DLG2: variants seen among roughly 807,000 people sequenced by gnomAD.
The protein encoded by DLG2 is disks large homolog 2.
In DLG2, 45 loss-of-function variants were observed where a neutral mutation model predicts 132.5. That is an observed-to-expected ratio of 0.34 (90% confidence interval 0.27 to 0.44). The LOEUF (loss-of-function observed/expected upper bound fraction) is 0.44, where lower values mean the gene tolerates loss of function less well. Ranked by LOEUF, DLG2 falls within the 20% of genes least tolerant of loss-of-function variation. The pLI is 1.00. For synonymous variants in DLG2, 424 were observed against 419.6 expected (o/e 1.01, Z -0.13); for missense variants, 1,045 against 1,196.9 (o/e 0.87, Z 1.87).
intron 6 of DLG2, among the ~76,000 whole-genome samples, chr11:84,674,237 T>G (rs1486777407): frequency 6.6e-6 from 1 of 152,144 alleles, no homozygotes; most frequent in Non-Finnish European, 1.5e-5. Context: ...AAAATATGTG[T>G]GACTCCAGGT....
chr11:84,394,401 G>T (rs1229183435), intron 7 of DLG2, among the ~76,000 whole-genome samples: 4 of 149,722 alleles, frequency 2.7e-5, no homozygotes, highest in African/African-American at 7.4e-5. Context: ...AAAAGTTATA[G>T]CATGACAGTT....
rs146107190 is a variant in DLG2, at chr11:84,346,373, T to A, written c.520-95082A>T. 3.3e-5 allele frequency among the ~76,000 whole-genome samples: 5 copies of A among 152,318 alleles called. No homozygotes were observed. In the East Asian group the frequency reaches 9.7e-4, roughly 29 times the overall value. ...TTAATTTTGCATCTTGAATCTTATATATGCCTGGTATACAGCAGGTATCAG... is the reference window on the plus strand; with the variant it reads ...TTAATTTTGCATCTTGAATCTTATAAATGCCTGGTATACAGCAGGTATCAG... On this transcript the variant is annotated intron_variant, in intron 7 of 27. Coordinates refer to ENST00000376104, the MANE Select transcript of DLG2 (RefSeq NM_001142699.3).
intron 18 of DLG2, among the ~76,000 whole-genome samples, chr11:83,662,587 AC>A (rs2074565604): frequency 6.6e-6 from 1 of 152,226 alleles, no homozygotes; most frequent in Non-Finnish European, 1.5e-5. Flanking sequence ...AATGTGATCC[AC>A]ATGAGAATAT....
At chr11:83,548,147 T>A (rs1215822678) in intron 19 of DLG2, among the ~76,000 whole-genome samples, 1 of 152,100 alleles carries the variant, frequency 6.6e-6, no homozygotes, top group Admixed American at 6.6e-5. Context: ...TGTAGTTATG[T>A]GAAAAGAAGA....
chr11:83,873,821 C>A (rs574224518), intron 16 of DLG2, among the ~76,000 whole-genome samples: 1 of 152,210 alleles, frequency 6.6e-6, no homozygotes, highest in South Asian at 2.1e-4. Flanking sequence ...CAGGAACCAA[C>A]ATGACCTGCT....
At chr11:84,351,469 C>T (rs1391786482) in intron 7 of DLG2, among the ~76,000 whole-genome samples, 2 of 152,066 alleles carry the variant, frequency 1.3e-5, no homozygotes, top group Non-Finnish European at 2.9e-5. Flanking sequence ...AAATAATGCT[C>T]GGAACCTAAC....
intron 3 of DLG2, among the ~76,000 whole-genome samples, chr11:85,400,447 A>T (rs1244720630): frequency 6.8e-6 from 1 of 148,116 alleles, no homozygotes; most frequent in East Asian, 2.0e-4. Context: ...TACCCAAAGG[A>T]TTATAAATCA....
At chr11:85,489,260 G>A (rs888581525) in intron 3 of DLG2, among the ~76,000 whole-genome samples, 14 of 151,914 alleles carry the variant, frequency 9.2e-5, no homozygotes, top group Non-Finnish European at 2.1e-4. Context: ...CCAAAAACAA[G>A]CAAGAATAGC....
intron 10 of DLG2, among the ~76,000 whole-genome samples, chr11:84,069,824 A>G (rs2096730249): frequency 6.6e-6 from 1 of 152,232 alleles, no homozygotes; most frequent in Non-Finnish European, 1.5e-5. Flanking sequence ...AAGCTAGGCT[A>G]CTTAATGGGT....
chr11:83,469,665 G>A (rs553301058), intron 24 of DLG2, among the ~76,000 whole-genome samples: 1 of 152,132 alleles, frequency 6.6e-6, no homozygotes, highest in South Asian at 2.1e-4. Context: ...CTACCTAGAG[G>A]CCATTTCCAA....
At chr11:84,489,447 T>C (rs1041918247) in intron 7 of DLG2, among the ~76,000 whole-genome samples, 1 of 152,108 alleles carries the variant, frequency 6.6e-6, no homozygotes, top group African/African-American at 2.4e-5. Context: ...CTGCTTCCAG[T>C]GAAAGGAACA....
chr11:84,974,860 T>C (rs531647403), intron 6 of DLG2, among the ~76,000 whole-genome samples: 1 of 152,358 alleles, frequency 6.6e-6, no homozygotes, highest in African/African-American at 2.4e-5. Flanking sequence ...ATGTGAAATT[T>C]GGTTAAAATA....
chr11:84,638,467 GAAGTT>G (rs1303638911), intron 6 of DLG2, among the ~76,000 whole-genome samples: 2 of 152,188 alleles, frequency 1.3e-5, no homozygotes, highest in Admixed American at 6.5e-5. Context: ...TGGAAGGGAA[GAAGTT>G]AAGACCAAAA....
At chr11:84,196,942 C>A (rs1305989272) in intron 8 of DLG2, among the ~76,000 whole-genome samples, 1 of 145,174 alleles carries the variant, frequency 6.9e-6, no homozygotes, top group Non-Finnish European at 1.5e-5. Flanking sequence ...GAGGCTGAGG[C>A]AAGAGAAGCG....
chr11:85,259,931 T>C (rs1332409034), intron 4 of DLG2, among the ~76,000 whole-genome samples: 1 of 152,146 alleles, frequency 6.6e-6, no homozygotes, highest in Admixed American at 6.5e-5. Context: ...CCATCCAATA[T>C]GTTTTTTAAA....
intron 11 of DLG2, among the ~76,000 whole-genome samples, chr11:84,027,509 T>A (rs2095568701): frequency 6.6e-6 from 1 of 152,068 alleles, no homozygotes; most frequent in Non-Finnish European, 1.5e-5. Context: ...TTATAGCTCT[T>A]CTTGCAAAAT....
chr11:83,662,590 T>C (rs608653), intron 18 of DLG2, among the ~76,000 whole-genome samples: 63,072 of 151,986 alleles, frequency 0.41, 14,863 homozygotes, highest in African/African-American at 0.65. Context: ...GTGATCCACA[T>C]GAGAATATTT....
At chr11:84,927,812 C>T (rs2047578286) in intron 6 of DLG2, among the ~76,000 whole-genome samples, 1 of 151,950 alleles carries the variant, frequency 6.6e-6, no homozygotes, top group Non-Finnish European at 1.5e-5. Context: ...AAGTCTAGAG[C>T]AGTGGTACTC....
Position 85,626,726 on chromosome 11 carries a change from T to C in DLG2, c.-232A>G, listed in dbSNP as rs1451651500. 1 of 152,198 alleles carries C rather than the reference T, an allele frequency of 6.6e-6. No homozygotes were observed. 9.4% of individuals were successfully genotyped at this position (152,198 alleles called of 1,614,324 possible). On this transcript the variant is annotated 5_prime_UTR_variant, in exon 2 of 28. Transcript: ENST00000376104. ...GTAACTGTTGCAAACCACTTCAGTG[T>C]TCAGTTTTGAAATCCAGGCTGAGTC...
Sources: allele counts gnomAD v4.1 joint callset (sites outside exome capture counted in the v4.1 genomes callset), GRCh38; gene constraint gnomAD v4.1.1; transcripts MANE v1.5; gene names NCBI Gene and HGNC (gene_info 2026-07-23, HGNC 2026-07-21).